The following CRIM1 variants were observed in gnomAD, a reference collection of about 807,000 sequenced individuals.
CRIM1 encodes the protein cysteine-rich motor neuron 1 protein.
A neutral mutation model predicts 116.4 loss-of-function variants in CRIM1; 32 were observed. That is an observed-to-expected ratio of 0.27 (90% CI 0.21 to 0.37). CRIM1 has a LOEUF of 0.37. Ranked by LOEUF, CRIM1 falls within the 10% of genes least tolerant of loss-of-function variation. The probability of loss-of-function intolerance (pLI) is 1.00; values close to 1 mark genes in which losing one functional copy is unlikely to be tolerated. For missense variants in CRIM1, 1,331 were observed against 1,354.8 expected (o/e 0.98, Z 0.28); for synonymous variants, 590 against 509.2 (o/e 1.16, Z -2.13).
chr2:36,471,999 G>A (rs532981272), intron 5 of CRIM1, among the ~76,000 whole-genome samples: 10 of 152,270 alleles, frequency 6.6e-5, no homozygotes, highest in African/African-American at 2.2e-4. Flanking sequence ...GCAGTAGCAT[G>A]TACTAATAGT....
intron 4 of CRIM1, among the ~76,000 whole-genome samples, chr2:36,459,613 G>A (rs1677424126): frequency 6.6e-6 from 1 of 152,190 alleles, no homozygotes; most frequent in South Asian, 2.1e-4. Flanking sequence ...TCAGAGGAGG[G>A]AAAATTAATC....
chr2:36,379,253 C>T (rs1355396260), intron 1 of CRIM1: 1 of 152,072 alleles, frequency 6.6e-6, no homozygotes, highest in African/African-American at 2.4e-5. Context: ...TCTTGTGTGG[C>T]AAAATTATGC....
At chr2:36,398,416 A>C (rs1672188859) in intron 2 of CRIM1, among the ~76,000 whole-genome samples, 1 of 152,202 alleles carries the variant, frequency 6.6e-6, no homozygotes, top group East Asian at 1.9e-4. Context: ...GTGTCTCGTC[A>C]CATAAAATTA....
At chr2:36,468,485 T>C (rs114342528) in intron 5 of CRIM1, among the ~76,000 whole-genome samples, 250 of 152,324 alleles carry the variant, frequency 1.6e-3, no homozygotes, top group Middle Eastern at 6.8e-3. Flanking sequence ...GGAGAACTTA[T>C]GAGGCTTTGG....
rs191994296 is a variant in CRIM1, at chr2:36,465,392, G to A, written c.991+737G>A. ...CATTAACAAAAAATAAAATAAACAA[G>A]TTACATGTCAATAACCATTCAGAGC... On this transcript the variant is annotated intron_variant, in intron 5 of 16. Transcript: ENST00000280527. Among the ~76,000 whole-genome samples, 253 of 152,274 alleles carry A rather than the reference G, an allele frequency of 1.7e-3. 3 individuals are homozygous for A. Among genetic ancestry groups the A allele is most frequent in the African/African-American group, 5.7e-3 (237 of 41,554 alleles).
chr2:36,412,329 G>A (rs948716465), intron 2 of CRIM1, among the ~76,000 whole-genome samples: 2 of 152,070 alleles, frequency 1.3e-5, no homozygotes, highest in African/African-American at 2.4e-5. Context: ...GGTAAAGATC[G>A]ACATAGAATG....
At chr2:36,547,224 A>T (rs1380721596) in intron 16 of CRIM1, 53 bp downstream of exon 16, 6 of 1,436,138 alleles carry the variant, frequency 4.2e-6, no homozygotes, top group Non-Finnish European at 5.8e-6. Flanking sequence ...GAAAACTTAC[A>T]CTCATATTGA....
At chr2:36,419,825 T>TG (rs1673915091) in intron 2 of CRIM1, among the ~76,000 whole-genome samples, 1 of 152,240 alleles carries the variant, frequency 6.6e-6, no homozygotes, top group South Asian at 2.1e-4. Flanking sequence ...CTGAAATACC[T>TG]GGGATGTGGT....
At chr2:36,380,886 T>G (rs1205728127) in intron 1 of CRIM1, among the ~76,000 whole-genome samples, 1 of 152,316 alleles carries the variant, frequency 6.6e-6, no homozygotes, top group African/African-American at 2.4e-5. Context: ...CATGTTCTCT[T>G]ATTTTAAAAG....
chr2:36,516,251 C>G (rs1665024834), intron 11 of CRIM1, among the ~76,000 whole-genome samples: 1 of 152,170 alleles, frequency 6.6e-6, no homozygotes, highest in South Asian at 2.1e-4. Flanking sequence ...CTCTGAGCAT[C>G]TCTGCATATA....
At chr2:36,471,902 G>T (rs1678555531) in intron 5 of CRIM1, among the ~76,000 whole-genome samples, 1 of 152,156 alleles carries the variant, frequency 6.6e-6, no homozygotes, top group African/African-American at 2.4e-5. Flanking sequence ...AAAAGTTTGT[G>T]TGACTTGCTT....
intron 13 of CRIM1, among the ~76,000 whole-genome samples, chr2:36,523,423 A>G (rs1342880760): frequency 6.6e-6 from 1 of 152,142 alleles, no homozygotes; most frequent in East Asian, 1.9e-4. Context: ...GGATCTATGT[A>G]TATTAGCACC....
At chr2:36,457,038 C>A (rs908391742) in intron 4 of CRIM1, among the ~76,000 whole-genome samples, 1 of 152,194 alleles carries the variant, frequency 6.6e-6, no homozygotes, top group African/African-American at 2.4e-5. Context: ...GCTTCCGGAG[C>A]CACATGCCAG....
At chr2:36,400,784 T>C (rs1672348467) in intron 2 of CRIM1, among the ~76,000 whole-genome samples, 1 of 152,044 alleles carries the variant, frequency 6.6e-6, no homozygotes, top group Non-Finnish European at 1.5e-5. Context: ...GAATGGGATT[T>C]GGGAGGGAGG....
Position 36,537,473 on chromosome 2 carries a change from G to C in CRIM1, c.2550G>C (p.Ser850=). The change falls in exon 14 of 17, where the codon TCG becomes TCC. Residue 850 remains serine (S), a synonymous_variant. Coordinates refer to ENST00000280527, the MANE Select transcript of CRIM1 (RefSeq NM_016441.3). ...CYCLQGQTLC[S]TVSCPPLPCV... is the part of the protein sequence containing the mutation. ...GCCTGCAGGGCCAGACCCTCTGCTC[G>C]ACCGTCAGCTGCCCCCCTCTGCCCT... is the stretch of plus-strand genomic sequence containing the variant. 1.2e-6 allele frequency: 2 copies of C among 1,614,202 alleles called. No individual in the cohort carries two copies. The highest frequency in any genetic ancestry group is 1.7e-6 in the Non-Finnish European group (2 of 1,180,030).
At position 36,465,889 on chromosome 2, in the gene CRIM1, C is replaced by A. The variant is rs186016525; in HGVS notation, c.991+1234C>A. Among the ~76,000 whole-genome samples the A allele has an allele frequency of 3.1e-3, 441 of 143,384 alleles. 5 individuals carry two copies. Among genetic ancestry groups the A allele is most frequent in the African/African-American group, 0.011 (421 of 39,216 alleles). 94.1% of individuals were successfully genotyped at this position (143,384 alleles called of 152,430 possible). On this transcript the variant is annotated intron_variant, in intron 5 of 16. Transcript: ENST00000280527. ...TCAGATGTAAATAATCTTTAGTATT[C>A]TTTTTTTTTTTTTTGAGACAGAGTC...
chr2:36,482,960 G>A (rs1679531854), intron 7 of CRIM1, among the ~76,000 whole-genome samples: 1 of 152,172 alleles, frequency 6.6e-6, no homozygotes, highest in Non-Finnish European at 1.5e-5. Context: ...ACATGAACCT[G>A]GGGGCCCTTA....
At chr2:36,397,122 G>A (rs1332279397) in intron 2 of CRIM1, among the ~76,000 whole-genome samples, 2 of 152,156 alleles carry the variant, frequency 1.3e-5, no homozygotes, top group East Asian at 3.9e-4. Context: ...CCGTAGGATG[G>A]TGCTCCATGA....
chr2:36,378,622 T>G (rs1196140196), intron 1 of CRIM1: 2 of 265,784 alleles, frequency 7.5e-6, no homozygotes, highest in African/African-American at 4.4e-5. Context: ...CGTCCTTGTG[T>G]TCTCTTGGTG....
Sources: allele counts gnomAD v4.1 joint callset (sites outside exome capture counted in the v4.1 genomes callset), GRCh38; gene constraint gnomAD v4.1.1; transcripts MANE v1.5; gene names NCBI Gene and HGNC (gene_info 2026-07-23, HGNC 2026-07-21).